Variants in PHLDB2 observed in about 807,000 individuals in gnomAD.
PHLDB2 encodes pleckstrin homology-like domain family B member 2.
Under a neutral mutation model 123.6 loss-of-function variants are expected in PHLDB2, and 71 were observed. The ratio of observed to expected loss-of-function variants is 0.57; its 90% confidence interval spans 0.47 to 0.70. The LOEUF (loss-of-function observed/expected upper bound fraction) is 0.70, where lower values mean the gene tolerates loss of function less well. Ranked by LOEUF, PHLDB2 falls within the 30% of genes least tolerant of loss-of-function variation. The probability of loss-of-function intolerance (pLI) is 0.00; values close to 1 mark genes in which losing one functional copy is unlikely to be tolerated. For synonymous variants in PHLDB2, 547 were observed against 541.6 expected, an observed-to-expected ratio of 1.01 and a Z score of -0.14; for missense variants, 1,446 against 1,519.5, an observed-to-expected ratio of 0.95 and a Z score of 0.80.
chr3:111,939,587 T>C lies in PHLDB2; in HGVS notation c.2243T>C (p.Leu748Pro). 1 of 1,613,678 alleles carries C rather than the reference T, an allele frequency of 6.2e-7. No individual in the cohort carries two copies. The highest frequency in any genetic ancestry group is 8.5e-7 in the Non-Finnish European group (1 of 1,179,862). ...AAGGAGAACTTGACTCAACAGCTCCTGCGTGAAGTTGCTGAATATCAACGG... is the reference window on the plus strand; with the variant it reads ...AAGGAGAACTTGACTCAACAGCTCCCGCGTGAAGTTGCTGAATATCAACGG... ...EEKENLTQQL[L>P]REVAEYQRNI... Residue 748 changes from leucine (L) to proline (P), a missense_variant, in exon 7 of 18, where the codon CTG (leucine) becomes CCG (proline). By Grantham distance (98) the Leu-to-Pro change is moderately conservative. Around this residue, in one of 3 missense-constraint regions of PHLDB2, gnomAD observed 594 missense variants for 646.0 expected, o/e 0.92. Coordinates refer to ENST00000431670, the MANE Select transcript of PHLDB2 (RefSeq NM_001134438.2).
intron 15 of PHLDB2, among the ~76,000 whole-genome samples, chr3:111,968,896 T>C (rs1209221051): frequency 6.6e-6 from 1 of 152,212 alleles, no homozygotes; most frequent in African/African-American, 2.4e-5. Context: ...ATTATAAGTG[T>C]TGCCTCCAAG....
intron 1 of PHLDB2, among the ~76,000 whole-genome samples, chr3:111,800,098 T>C (rs1219429353): frequency 6.6e-6 from 1 of 152,154 alleles, no homozygotes; most frequent in Non-Finnish European, 1.5e-5. Flanking sequence ...TCAACCTCCC[T>C]GGGCTCAGGT....
chr3:111,782,050 T>C (rs1316756580), intron 1 of PHLDB2, among the ~76,000 whole-genome samples: 3 of 152,110 alleles, frequency 2.0e-5, no homozygotes, highest in Non-Finnish European at 4.4e-5. Context: ...TGTTTACTTA[T>C]GTACTGTCTC....
At chr3:111,933,190 G>T (rs765982414) in intron 6 of PHLDB2, among the ~76,000 whole-genome samples, 49 of 152,274 alleles carry the variant, frequency 3.2e-4, no homozygotes, top group Non-Finnish European at 2.6e-4. Flanking sequence ...CCAGTAAACT[G>T]CTTCCTTCTG....
At chr3:111,834,951 C>T (rs945530593) in intron 1 of PHLDB2, among the ~76,000 whole-genome samples, 6 of 152,004 alleles carry the variant, frequency 3.9e-5, no homozygotes, top group African/African-American at 1.2e-4. Context: ...CTTCTCAAAC[C>T]TTGCCTTATG....
chr3:111,870,554 G>A (rs1326021629), intron 1 of PHLDB2, among the ~76,000 whole-genome samples: 1 of 152,034 alleles, frequency 6.6e-6, no homozygotes, highest in East Asian at 1.9e-4. Flanking sequence ...TTTGATGTTG[G>A]GATTAGTGGA....
chr3:111,740,355 TGAGA>T (rs71131974), intron 1 of PHLDB2, among the ~76,000 whole-genome samples: 79,089 of 150,310 alleles, frequency 0.53, 21,931 homozygotes, highest in African/African-American at 0.72. Flanking sequence ...TCATTAAATA[TGAGA>T]GAGAGAGAGA....
intron 1 of PHLDB2, among the ~76,000 whole-genome samples, chr3:111,862,623 G>T (rs927214342): frequency 6.6e-6 from 1 of 152,072 alleles, no homozygotes; most frequent in African/African-American, 2.4e-5. Flanking sequence ...AACAAGATTA[G>T]GCATCTTAAT....
chr3:111,766,562 A>G (rs2060085114), intron 1 of PHLDB2, among the ~76,000 whole-genome samples: 1 of 152,208 alleles, frequency 6.6e-6, no homozygotes, highest in Non-Finnish European at 1.5e-5. Flanking sequence ...GAAGACACCA[A>G]TTTAACACCT....
chr3:111,757,266 C>T (rs2059909303), intron 1 of PHLDB2, among the ~76,000 whole-genome samples: 1 of 152,150 alleles, frequency 6.6e-6, no homozygotes, highest in African/African-American at 2.4e-5. Context: ...TTCCATTCTC[C>T]CTGTCACTTT....
intron 15 of PHLDB2, among the ~76,000 whole-genome samples, chr3:111,968,505 T>C (rs905977076): frequency 6.6e-6 from 1 of 152,266 alleles, no homozygotes; most frequent in African/African-American, 2.4e-5. Flanking sequence ...TAATATGTTT[T>C]CTGAGCAACT....
At chr3:111,862,639 T>C (rs1258932844) in intron 1 of PHLDB2, among the ~76,000 whole-genome samples, 2 of 152,186 alleles carry the variant, frequency 1.3e-5, no homozygotes, top group Non-Finnish European at 1.5e-5. Context: ...TTAATCTGAT[T>C]TGGATCCTCA....
At position 111,952,709 on chromosome 3, in the gene PHLDB2, A is replaced by G. The variant is rs766512323; in HGVS notation, c.2769A>G (p.Pro923=). 1.2e-6 allele frequency: 2 copies of G among 1,611,834 alleles called. No individual in the cohort carries two copies. Among genetic ancestry groups the G allele is most frequent in the South Asian group, 1.1e-5 (1 of 90,284 alleles). The change falls in exon 11 of 18, where the codon CCA becomes CCG. Residue 923 remains proline (P), a synonymous_variant. Transcript: ENST00000431670. The part of the protein sequence containing the change: ...SSATMGRSIT[P]KAHLPLGQSN... ...CTACTATGGGGAGAAGCATCACCCCAAAGGTAGGACCTGGGAGAAACCACG... is the reference window on the plus strand; with the variant it reads ...CTACTATGGGGAGAAGCATCACCCCGAAGGTAGGACCTGGGAGAAACCACG...
In PHLDB2 at chr3:111,939,525, C is replaced by A; in HGVS notation, c.2181C>A (p.Phe727Leu). The A allele has an allele frequency of 6.2e-7, 1 of 1,613,638 alleles. No homozygotes were observed. Among genetic ancestry groups the A allele is most frequent in the Non-Finnish European group, 8.5e-7 (1 of 1,179,784 alleles). Residue 727 changes from phenylalanine (F) to leucine (L), a missense_variant, in exon 7 of 18, where the codon TTC becomes TTA. Transcript: ENST00000431670. ...GCAAACACTTTGAAGACCTGGAGTT[C>A]CAGCAGCTTGAACATGAGAGCCGTC... ...VESKHFEDLE[F>L]QQLEHESRLD...
At chr3:111,834,229 T>TTA (rs1559858260) in intron 1 of PHLDB2, among the ~76,000 whole-genome samples, 3 of 50,598 alleles carry the variant, frequency 5.9e-5, no homozygotes, top group African/African-American at 3.9e-4. Context: ...TATATATATA[T>TTA]TATGTATATA....
chr3:111,968,743 T>G (rs1212118580), intron 15 of PHLDB2, among the ~76,000 whole-genome samples: 1 of 152,204 alleles, frequency 6.6e-6, no homozygotes, highest in Non-Finnish European at 1.5e-5. Context: ...CGTTAAGTAT[T>G]GAAGGAAAAG....
chr3:111,974,580 T>A lies in PHLDB2; in HGVS notation c.*17T>A, dbSNP rs779243547. ...TTGTTGTAGTGAACTGAGGCAACAG[T>A]CCACTTCAGGGCAGACGGCAATAAT... On this transcript the variant is annotated 3_prime_UTR_variant, in exon 18 of 18. Transcript: ENST00000431670. The A allele has an allele frequency of 5.6e-6, 9 of 1,602,176 alleles. No individual in the cohort carries two copies. Among genetic ancestry groups the A allele is most frequent in the Non-Finnish European group, 7.7e-6 (9 of 1,174,388 alleles).
chr3:111,931,957 A>G (rs2069174272), intron 5 of PHLDB2, among the ~76,000 whole-genome samples: 1 of 152,168 alleles, frequency 6.6e-6, no homozygotes, highest in Admixed American at 6.5e-5. Flanking sequence ...ATTGTTGGCC[A>G]ATGACCAACA....
Position 111,952,589 on chromosome 3 carries a change from A to C in PHLDB2, c.2649A>C (p.Glu883Asp), listed in dbSNP as rs769666848. ...ATTTAAAGCACTTTAGAAGTCTGGA[A>C]GAAAGGAAAAAACAGCATAAAGAAG... ...PQSKEHFRSL[E>D]ERKKQHKEGL... Residue 883 changes from glutamate to aspartate, a missense_variant, in exon 11 of 18, where the codon GAA (glutamate) becomes GAC (aspartate). This residue lies in a region of PHLDB2 where 594 missense variants were observed against 646.0 expected (regional missense o/e 0.92). Transcript: ENST00000431670. The C allele has an allele frequency of 4.5e-5, 72 of 1,612,742 alleles. No individual in the cohort carries two copies. The highest frequency in any genetic ancestry group is 5.8e-5 in the Non-Finnish European group (69 of 1,179,634).
Sources: allele counts gnomAD v4.1 joint callset (sites outside exome capture counted in the v4.1 genomes callset), GRCh38; gene constraint gnomAD v4.1.1; regional missense constraint gnomAD v4.1.1; transcripts MANE v1.5; gene names NCBI Gene and HGNC (gene_info 2026-07-23, HGNC 2026-07-21).